CD96: variants seen among roughly 807,000 people sequenced by gnomAD.
The protein encoded by CD96 is CD96 molecule, also known as T-cell surface protein tactile.
CD96 carries 70 observed loss-of-function variants against 71.3 expected under a neutral mutation model. The observed-to-expected ratio is 0.98, with a 90% CI of 0.81 to 1.20. CD96 has a LOEUF of 1.20. CD96 is among the 50% of genes most tolerant of loss of function. CD96 has a pLI of 0.00. For missense variants in CD96, 742 were observed against 677.5 expected, an observed-to-expected ratio of 1.10 and a Z score of -1.06; for synonymous variants, 248 against 233.0, an observed-to-expected ratio of 1.06 and a Z score of -0.59.
In CD96 at chr3:111,542,213, A is replaced by C; in HGVS notation, c.-36A>C. Reference sequence around the variant, plus strand: ...GAAAACATCAATTGACTTTGTGATCATTACAGAAATGCTGGTGTAAGGTGT... The same window carrying C: ...GAAAACATCAATTGACTTTGTGATCCTTACAGAAATGCTGGTGTAAGGTGT... On this transcript the variant is annotated 5_prime_UTR_variant, in exon 1 of 14. Transcript: ENST00000352690. 1 of 1,595,858 alleles carries C rather than the reference A, an allele frequency of 6.3e-7. No homozygotes were observed. The highest frequency in any genetic ancestry group is 1.1e-5 in the South Asian group (1 of 90,710).
At chr3:111,575,956 A>G (rs1936202047) in intron 3 of CD96, among the ~76,000 whole-genome samples, 1 of 152,234 alleles carries the variant, frequency 6.6e-6, no homozygotes, top group African/African-American at 2.4e-5. Context: ...CATTCAAACC[A>G]TAGCAATGAA....
chr3:111,596,168 A>G (rs1055770887), intron 5 of CD96, among the ~76,000 whole-genome samples: 3 of 151,844 alleles, frequency 2.0e-5, no homozygotes, highest in Non-Finnish European at 4.4e-5. Flanking sequence ...TCTCAAAAAA[A>G]TAAATAAATA....
At position 111,650,038 on chromosome 3, in the gene CD96, T is replaced by C. The variant is rs562295253; in HGVS notation, c.*232T>C. The C allele has an allele frequency of 3.8e-5, 20 of 531,618 alleles. No individual in the cohort carries two copies. Among genetic ancestry groups the C allele is most frequent in the Admixed American group, 9.3e-5 (3 of 32,298 alleles). The allele number at this position is 531,618 out of a possible 1,614,324, so 32.9% of individuals were successfully genotyped here. On this transcript the variant is annotated 3_prime_UTR_variant, in exon 14 of 14. Coordinates refer to ENST00000352690, the MANE Select transcript of CD96 (RefSeq NM_005816.5). ...TGTTCACACTCAATGCAATTCGTAGTGGTTTTCTTGCTTATGTAAGAAGTA... is the reference window on the plus strand; with the variant it reads ...TGTTCACACTCAATGCAATTCGTAGCGGTTTTCTTGCTTATGTAAGAAGTA...
chr3:111,544,894 G>A (rs1003251560), intron 1 of CD96, 152 bp from the exon 2 acceptor site: 3 of 720,168 alleles, frequency 4.2e-6, no homozygotes, highest in Admixed American at 2.0e-5. Context: ...ATCTCTATCT[G>A]AGTGAGACAC....
intron 8 of CD96, among the ~76,000 whole-genome samples, chr3:111,614,703 T>C (rs987382234): frequency 6.6e-6 from 1 of 152,200 alleles, no homozygotes; most frequent in African/African-American, 2.4e-5. Flanking sequence ...TCTTCACCAG[T>C]GTGGCCCTGT....
rs571024228 is a variant in CD96, at chr3:111,577,520, T to A, written c.544-1507T>A. On this transcript the variant is annotated intron_variant, in intron 3 of 13. Coordinates refer to ENST00000352690, the MANE Select transcript of CD96 (RefSeq NM_005816.5). ...TCCTTAGGAAAACAGCAGCACGGAT[T>A]CTTGGGTCCTTCTTTCTAAGGGTAT... 13 of 1,607,338 alleles carry A rather than the reference T, an allele frequency of 8.1e-6. No individual in the cohort carries two copies. In the African/African-American group the frequency reaches 1.2e-4, roughly 15 times the overall value.
chr3:111,561,040 G>A, intron 2 of CD96, among the ~76,000 whole-genome samples: 1 of 134,866 alleles, frequency 7.4e-6, no homozygotes, highest in East Asian at 2.0e-4. Context: ...TAGTTCTCGA[G>A]CCTTGGTTTT....
At chr3:111,638,874 A>G in intron 12 of CD96, among the ~76,000 whole-genome samples, 1 of 152,174 alleles carries the variant, frequency 6.6e-6, no homozygotes, top group East Asian at 1.9e-4. Flanking sequence ...TTGGTGCCTT[A>G]AAGAGCTGTC....
In CD96 at chr3:111,601,055, A is replaced by G. The variant is rs111887059; in HGVS notation, c.1087+141A>G. 2.7e-3 allele frequency: 1,618 copies of G among 589,480 alleles called. 15 individuals are homozygous for G. Among genetic ancestry groups the G allele is most frequent in the African/African-American group, 0.026 (1,407 of 53,314 alleles). The allele number at this position is 589,480 out of a possible 1,614,324, so 36.5% of individuals were successfully genotyped here. On this transcript the variant is annotated intron_variant, in intron 7 of 13. Coordinates refer to ENST00000352690, the MANE Select transcript of CD96 (RefSeq NM_005816.5). ...ATGTAACTCAAAACTATTTCAAGTT[A>G]TCAAACATTTTTGACAAGTAGGACT...
chr3:111,600,876 T>C lies in CD96; in HGVS notation c.1049T>C (p.Val350Ala), dbSNP rs777897653. The change falls in exon 7 of 14, where the codon GTG becomes GCG. Residue 350 changes from valine to alanine, a missense_variant. By Grantham distance (64) the Val-to-Ala change is moderately conservative (BLOSUM62 0). Coordinates refer to ENST00000352690, the MANE Select transcript of CD96 (RefSeq NM_005816.5). ...CTGTCTCCAGTCCCAGGAAATAAAGTGTGGAACATCTCATCAGAAAAGATC... is the reference window on the plus strand; with the variant it reads ...CTGTCTCCAGTCCCAGGAAATAAAGCGTGGAACATCTCATCAGAAAAGATC... ...MALSPVPGNK[V>A]WNISSEKITF... is the part of the protein sequence containing the mutation. The C allele has an allele frequency of 1.1e-5, 18 of 1,612,986 alleles. No individual in the cohort carries two copies. In the South Asian group the frequency reaches 2.0e-4, roughly 18 times the overall value.
At chr3:111,635,164 A>G (rs1939266336) in intron 10 of CD96, 2 of 153,206 alleles carry the variant, frequency 1.3e-5, no homozygotes, top group Admixed American at 6.5e-5. Flanking sequence ...TCATCTCTTC[A>G]TCTTGCTGAA....
At chr3:111,641,893 A>G (rs1939608531) in intron 12 of CD96, among the ~76,000 whole-genome samples, 1 of 152,254 alleles carries the variant, frequency 6.6e-6, no homozygotes, top group Admixed American at 6.5e-5. Flanking sequence ...CTGCTCCTGA[A>G]TGAGCATTGG....
At chr3:111,654,297 C>A (rs1940176855), downstream of CD96, among the ~76,000 whole-genome samples, 2 of 152,146 alleles carry the variant, frequency 1.3e-5, no homozygotes, top group Admixed American at 1.3e-4. Context: ...GCAAAGGTAC[C>A]TTTTTCCTGG....
At chr3:111,608,761 CT>C (rs1436256882) in intron 8 of CD96, among the ~76,000 whole-genome samples, 1 of 152,106 alleles carries the variant, frequency 6.6e-6, no homozygotes, top group African/African-American at 2.4e-5. Flanking sequence ...GAATAACTAA[CT>C]GAATGAATGA....
chr3:111,614,740 CACTA>C (rs1428714217), intron 8 of CD96, among the ~76,000 whole-genome samples: 1 of 152,188 alleles, frequency 6.6e-6, no homozygotes, highest in African/African-American at 2.4e-5. Context: ...CATTCAGAGC[CACTA>C]ACCAACCATG....
At chr3:111,572,479 T>G (rs1018542054) in intron 3 of CD96, among the ~76,000 whole-genome samples, 1 of 152,224 alleles carries the variant, frequency 6.6e-6, no homozygotes, top group African/African-American at 2.4e-5. Context: ...ACACAAATAT[T>G]CCAGCCAATC....
At chr3:111,555,435 T>C (rs1304784789) in intron 2 of CD96, among the ~76,000 whole-genome samples, 1 of 152,300 alleles carries the variant, frequency 6.6e-6, no homozygotes, top group African/African-American at 2.4e-5. Context: ...TTCTTTCAGA[T>C]TTTTTCATTT....
chr3:111,550,410 G>A (rs145477045), intron 2 of CD96, among the ~76,000 whole-genome samples: 170 of 152,210 alleles, frequency 1.1e-3, no homozygotes, highest in African/African-American at 3.9e-3. Context: ...TACTACAGTA[G>A]TGATGGTGGT....
At chr3:111,637,961 G>A (rs763779569) in intron 11 of CD96, 118 bp from the exon 12 acceptor site, 11 of 752,164 alleles carry the variant, frequency 1.5e-5, no homozygotes, top group Non-Finnish European at 2.2e-5. Flanking sequence ...TAATATTTAA[G>A]GGATACTTAG....
Sources: allele counts gnomAD v4.1 joint callset (sites outside exome capture counted in the v4.1 genomes callset), GRCh38; gene constraint gnomAD v4.1.1; transcripts MANE v1.5; gene names NCBI Gene and HGNC (gene_info 2026-07-23, HGNC 2026-07-21).